KCNT2: variants seen among roughly 807,000 people sequenced by gnomAD.
KCNT2 encodes the protein potassium sodium-activated channel subfamily T member 2, also known as potassium channel subfamily T member 2.
KCNT2 carries 67 observed loss-of-function variants against 153.8 expected under a neutral mutation model. The observed-to-expected ratio is 0.44, with a 90% CI of 0.36 to 0.53. KCNT2 has a LOEUF of 0.53. KCNT2 is among the 20% of genes least tolerant of loss of function. The pLI, the probability that KCNT2 is intolerant of heterozygous loss-of-function variation, is 0.00. For missense variants in KCNT2, 975 were observed against 1,354.8 expected, an observed-to-expected ratio of 0.72 and a Z score of 4.40; for synonymous variants, 500 against 458.8, an observed-to-expected ratio of 1.09 and a Z score of -1.15.
intron 17 of KCNT2, among the ~76,000 whole-genome samples, chr1:196,332,093 A>T (rs1334815912): frequency 6.6e-6 from 1 of 152,196 alleles, no homozygotes; most frequent in Non-Finnish European, 1.5e-5. Flanking sequence ...TTACCTGCTA[A>T]GCCATAAAAT....
In KCNT2 at chr1:196,258,251, G is replaced by A; in HGVS notation, c.3154C>T (p.Leu1052Phe). 1 of 1,614,016 alleles carries A rather than the reference G, an allele frequency of 6.2e-7. No homozygotes were observed. The highest frequency in any genetic ancestry group is 8.5e-7 in the Non-Finnish European group (1 of 1,179,932). ...ATTCTATTTTTCACAAGTTCAGCAA[G>A]CTCTTGTCTTTCTGACCTCCTGTAG... is the stretch of plus-strand genomic sequence containing the variant. ...NLYRRSERQE[L>F]AELVKNRMKH... The change falls in exon 26 of 28, where the codon CTT (leucine) becomes TTT (phenylalanine). Residue 1052 changes from leucine (L) to phenylalanine (F), a missense_variant. This residue lies in a region of KCNT2 where 241 missense variants were observed against 271.1 expected (regional missense o/e 0.89). Transcript: ENST00000294725.
chr1:196,597,268 T>TA (rs143356142), intron 1 of KCNT2, among the ~76,000 whole-genome samples: 22,857 of 142,668 alleles, frequency 0.16, 5,439 homozygotes, highest in African/African-American at 0.52. Flanking sequence ...CCACCTACAC[T>TA]AAAAAAAAAA....
chr1:196,284,385 C>T (rs1045948594), intron 23 of KCNT2, among the ~76,000 whole-genome samples: 1 of 147,330 alleles, frequency 6.8e-6, no homozygotes, highest in African/African-American at 2.5e-5. Context: ...GAAAAAACTA[C>T]TGCTTTCCAT....
chr1:196,597,320 C>G (rs1378749080), intron 1 of KCNT2, among the ~76,000 whole-genome samples: 1 of 151,212 alleles, frequency 6.6e-6, no homozygotes, highest in Middle Eastern at 3.2e-3. Context: ...GCAGTGTACA[C>G]TGTACACAAT....
At chr1:196,425,714 G>C in intron 11 of KCNT2, 138 bp downstream of exon 11, 1 of 787,884 alleles carries the variant, frequency 1.3e-6, no homozygotes, top group Non-Finnish European at 2.1e-6. Context: ...GGCCAGCAGA[G>C]GGACTAAGGC....
At chr1:196,232,185 AC>A (rs1358857891) in intron 27 of KCNT2, among the ~76,000 whole-genome samples, 1 of 151,794 alleles carries the variant, frequency 6.6e-6, no homozygotes, top group Non-Finnish European at 1.5e-5. Flanking sequence ...CTTTATAGTT[AC>A]TTTAAATATC....
At chr1:196,562,434 C>T (rs769576761) in intron 1 of KCNT2, among the ~76,000 whole-genome samples, 1 of 151,866 alleles carries the variant, frequency 6.6e-6, no homozygotes, top group African/African-American at 2.4e-5. Context: ...TGCAGGCTAA[C>T]TTTGAAATGC....
intron 1 of KCNT2, among the ~76,000 whole-genome samples, chr1:196,576,463 C>T (rs1044951726): frequency 3.9e-5 from 6 of 152,086 alleles, no homozygotes; most frequent in African/African-American, 9.7e-5. Context: ...AATACCATAG[C>T]ATACTTCAGA....
chr1:196,306,522 A>G (rs987776118), intron 21 of KCNT2, among the ~76,000 whole-genome samples: 1 of 152,076 alleles, frequency 6.6e-6, no homozygotes, highest in African/African-American at 2.4e-5. Flanking sequence ...CAACTCTGGA[A>G]GGTTGATGGA....
chr1:196,511,644 G>A (rs1033491500), intron 1 of KCNT2, among the ~76,000 whole-genome samples: 2 of 152,046 alleles, frequency 1.3e-5, no homozygotes, highest in Admixed American at 1.3e-4. Context: ...GGTGCAGTAG[G>A]GCTGATTTTT....
At chr1:196,446,670 A>G (rs781698774) in intron 8 of KCNT2, among the ~76,000 whole-genome samples, 8 of 151,586 alleles carry the variant, frequency 5.3e-5, no homozygotes, top group Non-Finnish European at 1.0e-4. Context: ...AATTAGGAAG[A>G]GAGCCAGTTA....
At chr1:196,256,195 C>A (rs1311501967) in intron 26 of KCNT2, among the ~76,000 whole-genome samples, 1 of 151,856 alleles carries the variant, frequency 6.6e-6, no homozygotes, top group Non-Finnish European at 1.5e-5. Context: ...AGTCAAGCAT[C>A]AGATTTTCAA....
At chr1:196,348,206 T>TA (rs79246767) in intron 14 of KCNT2, among the ~76,000 whole-genome samples, 21,220 of 144,506 alleles carry the variant, frequency 0.15, 2,402 homozygotes, top group African/African-American at 0.32. Flanking sequence ...TCATTAGAAT[T>TA]AAAAAAAAAA....
At chr1:196,445,643 T>C (rs1405425383) in intron 8 of KCNT2, among the ~76,000 whole-genome samples, 1 of 151,462 alleles carries the variant, frequency 6.6e-6, no homozygotes, top group African/African-American at 2.4e-5. Flanking sequence ...CCTTTCAGTT[T>C]CATAATAAGC....
intron 1 of KCNT2, among the ~76,000 whole-genome samples, chr1:196,569,469 G>A (rs897794546): frequency 6.6e-6 from 1 of 151,910 alleles, no homozygotes; most frequent in African/African-American, 2.4e-5. Flanking sequence ...ACTTTTATTG[G>A]GATTGAAATA....
intron 26 of KCNT2, chr1:196,257,724 TA>T (rs967836540): frequency 8.0e-5 from 79 of 983,786 alleles, no homozygotes; most frequent in Non-Finnish European, 9.2e-5. Flanking sequence ...GCTTCAAAAT[TA>T]AAGTTTTTGA....
At chr1:196,342,953 C>A (rs886595216) in intron 14 of KCNT2, 2 of 151,968 alleles carry the variant, frequency 1.3e-5, no homozygotes, top group Non-Finnish European at 2.9e-5. Flanking sequence ...GAGTGGAGCC[C>A]TCAGGAATGG....
rs866237650 is a variant in KCNT2, at chr1:196,285,713, G to A, written c.2641C>T (p.Pro881Ser). The A allele has an allele frequency of 6.2e-7, 1 of 1,613,446 alleles. No homozygotes were observed. Among genetic ancestry groups the A allele is most frequent in the Non-Finnish European group, 8.5e-7 (1 of 1,179,480 alleles). The change falls in exon 23 of 28, where the codon CCT becomes TCT. Residue 881 changes from proline to serine, a missense_variant. This residue lies in a region of KCNT2 where 66 missense variants were observed against 147.9 expected (regional missense o/e 0.45). Transcript: ENST00000294725. ...GSNLAFMFRL[P>S]FAAGRVFSIS... The stretch of plus-strand genomic sequence containing the variant: ...CTAAACACCCTCCCAGCAGCAAAAG[G>A]CAGTCGAAACATAAAGGCCAAGTTA...
chr1:196,466,644 T>C (rs932502087), intron 7 of KCNT2, among the ~76,000 whole-genome samples: 3 of 152,094 alleles, frequency 2.0e-5, no homozygotes, highest in Non-Finnish European at 4.4e-5. Flanking sequence ...GTACATTTTG[T>C]ATATATGTAT....
Sources: allele counts gnomAD v4.1 joint callset (sites outside exome capture counted in the v4.1 genomes callset), GRCh38; gene constraint gnomAD v4.1.1; regional missense constraint gnomAD v4.1.1; transcripts MANE v1.5; gene names NCBI Gene and HGNC (gene_info 2026-07-23, HGNC 2026-07-21).